UBE2K: variants seen among roughly 807,000 people sequenced by gnomAD.
UBE2K encodes the protein ubiquitin conjugating enzyme E2 K, also known as ubiquitin-conjugating enzyme E2 K.
Under a neutral mutation model 30.0 loss-of-function variants are expected in UBE2K, and 6 were observed. The ratio of observed to expected loss-of-function variants is 0.20; its 90% CI spans 0.11 to 0.39. UBE2K has a LOEUF of 0.39. Among genes scored for constraint, UBE2K ranks in the 10% least tolerant of loss-of-function variants. The pLI is 1.00. For missense variants in UBE2K, 61 were observed against 241.6 expected (o/e 0.25, Z 4.96); for synonymous variants, 86 against 83.7 (o/e 1.03, Z -0.15).
In UBE2K at chr4:39,698,384, C is replaced by T; in HGVS notation, c.57C>T (p.Ser19=). ...GGGAGTTCAAGGAGGTGCTGAAGAG[C>T]GAGGAGGTCAGAAATGAACTCCCGG... is the stretch of plus-strand genomic sequence containing the variant. The part of the protein sequence containing the change: ...IKREFKEVLK[S]EETSKNQIKV... Residue 19 remains serine (S), a synonymous_variant, in exon 1 of 7, where the codon AGC becomes AGT. Coordinates refer to ENST00000261427, the MANE Select transcript of UBE2K (RefSeq NM_005339.5). 1 of 1,612,314 alleles carries T rather than the reference C, an allele frequency of 6.2e-7. No individual in the cohort carries two copies. Among genetic ancestry groups the T allele is most frequent in the Non-Finnish European group, 8.5e-7 (1 of 1,179,314 alleles).
At chr4:39,746,641 T>C (rs1211368606) in intron 3 of UBE2K, among the ~76,000 whole-genome samples, 1 of 152,218 alleles carries the variant, frequency 6.6e-6, no homozygotes, top group Non-Finnish European at 1.5e-5. Context: ...TCTAATCTTC[T>C]ACCACTTCCA....
Position 39,771,353 on chromosome 4 carries a change from C to T in UBE2K, c.300-3481C>T, listed in dbSNP as rs1247109131. The stretch of plus-strand genomic sequence containing the variant: ...ATGGTCACGTCGCAGAACCACTCCT[C>T]TGCCCGGAGCTTGTTCATGTTCCGT... On this transcript the variant is annotated intron_variant, in intron 4 of 6. Transcript: ENST00000261427. 5.0e-6 allele frequency: 8 copies of T among 1,612,634 alleles called. No individual in the cohort carries two copies. The African/African-American group carries it at 8.0e-5, about 16-fold the overall frequency.
At chr4:39,736,780 G>T (rs1311914780) in intron 1 of UBE2K, among the ~76,000 whole-genome samples, 2 of 152,184 alleles carry the variant, frequency 1.3e-5, no homozygotes, top group African/African-American at 4.8e-5. Context: ...GTAGGTAGTT[G>T]CCGTTTTAAT....
chr4:39,774,083 G>C (rs1021338150), intron 4 of UBE2K, among the ~76,000 whole-genome samples: 3 of 151,964 alleles, frequency 2.0e-5, no homozygotes, highest in Admixed American at 2.0e-4. Flanking sequence ...GATCACCTGA[G>C]CTCAGAAGTT....
At chr4:39,727,578 C>T (rs1719823497) in intron 1 of UBE2K, among the ~76,000 whole-genome samples, 2 of 142,530 alleles carry the variant, frequency 1.4e-5, no homozygotes, top group Admixed American at 7.1e-5. Context: ...CTGGACTGAT[C>T]TTTTTTTTTT....
At chr4:39,776,394 T>C (rs1181363163) in intron 5 of UBE2K, among the ~76,000 whole-genome samples, 1 of 152,204 alleles carries the variant, frequency 6.6e-6, no homozygotes, top group African/African-American at 2.4e-5. Flanking sequence ...TCTACATTGC[T>C]ATCAGGTAGC....
chr4:39,730,660 C>T (rs1250077653), intron 1 of UBE2K, among the ~76,000 whole-genome samples: 1 of 151,856 alleles, frequency 6.6e-6, no homozygotes, highest in Non-Finnish European at 1.5e-5. Flanking sequence ...TGCAGCTACT[C>T]AGGAGGCTAA....
At chr4:39,771,255 C>T in intron 4 of UBE2K, 1 of 1,611,890 alleles carries the variant, frequency 6.2e-7, no homozygotes, top group Non-Finnish European at 8.5e-7. Context: ...TAAGCAGGAA[C>T]TGGTCCCGCA....
intron 3 of UBE2K, among the ~76,000 whole-genome samples, chr4:39,747,133 A>G (rs941456000): frequency 3.9e-5 from 6 of 152,174 alleles, no homozygotes; most frequent in African/African-American, 1.4e-4. Context: ...TGGGCTGCCT[A>G]TTAGTCTATT....
chr4:39,715,449 G>C (rs781433259), intron 1 of UBE2K, among the ~76,000 whole-genome samples: 25 of 152,120 alleles, frequency 1.6e-4, no homozygotes, highest in Non-Finnish European at 3.2e-4. Context: ...TGAGATTATA[G>C]GTGTGGGCCA....
intron 1 of UBE2K, among the ~76,000 whole-genome samples, chr4:39,704,890 T>A (rs1387703284): frequency 2.1e-5 from 3 of 143,350 alleles, no homozygotes; most frequent in South Asian, 2.3e-4. Flanking sequence ...TTTTTTTTTT[T>A]AGACGGAGTC....
Position 39,778,577 on chromosome 4 carries a change from A to G in UBE2K, c.*143A>G, listed in dbSNP as rs1713416734. 3 of 502,734 alleles carry G rather than the reference A, an allele frequency of 6.0e-6. No individual in the cohort carries two copies. Among genetic ancestry groups the G allele is most frequent in the Non-Finnish European group, 1.1e-5 (3 of 284,862 alleles). 31.1% of individuals were successfully genotyped at this position (502,734 alleles called of 1,614,324 possible). The stretch of plus-strand genomic sequence containing the variant: ...ATCTAGGCACCATTGGAGACTGAAA[A>G]AAAAAAATCCCTGCTCTGTAAATAA... On this transcript the variant is annotated 3_prime_UTR_variant, in exon 7 of 7. Transcript: ENST00000261427.
intron 1 of UBE2K, among the ~76,000 whole-genome samples, chr4:39,703,947 T>C (rs781239170): frequency 6.6e-6 from 1 of 151,338 alleles, no homozygotes; most frequent in Non-Finnish European, 1.5e-5. Context: ...AGACAAAAAA[T>C]ATATACTGGC....
At chr4:39,777,924 A>G (rs932753000) in intron 6 of UBE2K, 114 bp downstream of exon 6, 44 of 995,086 alleles carry the variant, frequency 4.4e-5, no homozygotes, top group Non-Finnish European at 5.9e-5. Flanking sequence ...CCTGGGCAAC[A>G]TGGCGAAACC....
chr4:39,715,323 C>T (rs959632561), intron 1 of UBE2K, among the ~76,000 whole-genome samples: 7 of 151,684 alleles, frequency 4.6e-5, no homozygotes, highest in African/African-American at 1.5e-4. Flanking sequence ...CCACCGCGCC[C>T]GGCCAGCTAA....
intron 1 of UBE2K, among the ~76,000 whole-genome samples, chr4:39,725,282 C>G (rs530948690): frequency 6.9e-6 from 1 of 144,908 alleles, no homozygotes; most frequent in African/African-American, 2.6e-5. Flanking sequence ...ACTCAGGAGG[C>G]TGAGGTAGGA....
At chr4:39,718,904 C>G (rs1431159814) in intron 1 of UBE2K, among the ~76,000 whole-genome samples, 1 of 152,262 alleles carries the variant, frequency 6.6e-6, no homozygotes, top group Non-Finnish European at 1.5e-5. Flanking sequence ...TCCCTGCAGG[C>G]TGAGGGAGCT....
chr4:39,700,956 A>G (rs182164747), intron 1 of UBE2K, among the ~76,000 whole-genome samples: 1 of 148,902 alleles, frequency 6.7e-6, no homozygotes, highest in Admixed American at 6.6e-5. Context: ...GCATGTGTGT[A>G]TTTGCCTGTA....
At chr4:39,770,762 T>A in intron 4 of UBE2K, 1 of 1,582,346 alleles carries the variant, frequency 6.3e-7, no homozygotes, top group Non-Finnish European at 8.6e-7. Flanking sequence ...CTCCCAGGCC[T>A]CCAGGGGGCT....
Sources: gnomAD v4.1 joint callset for allele counts (sites outside exome capture counted in the v4.1 genomes callset) on GRCh38, gnomAD v4.1.1 for gene constraint, MANE v1.5 for transcripts, NCBI Gene and HGNC (gene_info 2026-07-23, HGNC 2026-07-21) for gene names.